ESRRG: variants seen among roughly 807,000 people sequenced by gnomAD.
ESRRG encodes the protein estrogen related receptor gamma.
In ESRRG, 13 loss-of-function variants were observed where a neutral mutation model predicts 44.0. The ratio of observed to expected loss-of-function variants is 0.30; its 90% CI spans 0.19 to 0.47. The LOEUF (loss-of-function observed/expected upper bound fraction) is 0.47. Ranked by LOEUF, ESRRG falls within the 20% of genes least tolerant of loss-of-function variation. The pLI, the probability that ESRRG is intolerant of heterozygous loss-of-function variation, is 1.00. For missense variants in ESRRG, 395 were observed against 580.6 expected, an observed-to-expected ratio of 0.68 and a Z score of 3.29; for synonymous variants, 215 against 214.6, an observed-to-expected ratio of 1.00 and a Z score of -0.02.
intron 1 of ESRRG, among the ~76,000 whole-genome samples, chr1:216,970,318 A>G (rs1291392906): frequency 6.6e-6 from 1 of 152,240 alleles, no homozygotes; most frequent in East Asian, 1.9e-4. Flanking sequence ...ACTGCATGAC[A>G]AAGTATTTTC....
At chr1:216,760,474 G>T (rs1268715437) in intron 2 of ESRRG, among the ~76,000 whole-genome samples, 1 of 151,948 alleles carries the variant, frequency 6.6e-6, no homozygotes, top group African/African-American at 2.4e-5. Flanking sequence ...GTGGTAGCAT[G>T]CATCTGTAGT....
intron 1 of ESRRG, among the ~76,000 whole-genome samples, chr1:217,073,415 G>A (rs1434793914): frequency 6.6e-6 from 1 of 152,024 alleles, no homozygotes; most frequent in Non-Finnish European, 1.5e-5. Context: ...TCACTACTAA[G>A]GGGATCTCCG....
intron 3 of ESRRG, among the ~76,000 whole-genome samples, chr1:216,585,026 G>A (rs1411544542): frequency 3.3e-5 from 5 of 152,080 alleles, no homozygotes; most frequent in Non-Finnish European, 4.4e-5. Flanking sequence ...TTAATTATTG[G>A]CTCTAATAAA....
intron 2 of ESRRG, among the ~76,000 whole-genome samples, chr1:216,841,991 T>C (rs6657430): frequency 0.034 from 5,105 of 152,184 alleles, 295 homozygotes; most frequent in African/African-American, 0.11. Flanking sequence ...AACCCTCTAA[T>C]ATAAAATAAG....
chr1:216,705,905 A>G (rs2082351601), intron 1 of ESRRG, among the ~76,000 whole-genome samples: 1 of 152,212 alleles, frequency 6.6e-6, no homozygotes, highest in Admixed American at 6.5e-5. Context: ...CTGCCTGGGC[A>G]TGGACTGCCT....
intron 2 of ESRRG, among the ~76,000 whole-genome samples, chr1:216,891,237 A>G (rs2057749974): frequency 6.6e-6 from 1 of 152,066 alleles, no homozygotes; most frequent in Admixed American, 6.6e-5. Flanking sequence ...TCTTTATTAG[A>G]TTTTTTTTAC....
intron 2 of ESRRG, among the ~76,000 whole-genome samples, chr1:216,768,741 T>C (rs1176108274): frequency 6.6e-6 from 1 of 152,130 alleles, no homozygotes; most frequent in East Asian, 1.9e-4. Flanking sequence ...TCCTCCCTTC[T>C]TGGCATCCCA....
At position 216,674,206 on chromosome 1, in the gene ESRRG, G is replaced by T. The variant is rs528903041; in HGVS notation, c.472+2870C>A. Among the ~76,000 whole-genome samples, 4 of 152,302 alleles carry T rather than the reference G, an allele frequency of 2.6e-5. No individual in the cohort carries two copies. The East Asian group carries it at 7.7e-4, about 29-fold the overall frequency. On this transcript the variant is annotated intron_variant, in intron 2 of 6. Transcript: ENST00000408911. ...AGGTGTGCTTTCATTCTCAAGTTTT[G>T]TAGTGTTACCAAATAGACTGAAGAG...
chr1:216,519,377 T>C lies in ESRRG; in HGVS notation c.907A>G (p.Ser303Gly), dbSNP rs1254361401. 1 of 1,613,468 alleles carries C rather than the reference T, an allele frequency of 6.2e-7. No individual in the cohort carries two copies. Among genetic ancestry groups the C allele is most frequent in the African/African-American group, 1.3e-5 (1 of 75,000 alleles). The change falls in exon 6 of 7, where the codon AGT (serine) becomes GGT (glycine). Residue 303 changes from serine (S) to glycine (G), a missense_variant. Ser to Gly is a moderately conservative substitution (Grantham distance 56, BLOSUM62 0). Coordinates refer to ENST00000408911, the MANE Select transcript of ESRRG (RefSeq NM_001438.4). Reference sequence around the variant, plus strand: ...AGGATCAAAATTTCCATCCAAGCACTCTGCAGAAGGCTCATCTGGTCCGCC... The same window carrying C: ...AGGATCAAAATTTCCATCCAAGCACCCTGCAGAAGGCTCATCTGGTCCGCC... ...SLADQMSLLQ[S>G]AWMEILILGV... is the part of the protein sequence containing the mutation.
chr1:216,552,668 C>T lies in ESRRG; in HGVS notation c.862+11551G>A, dbSNP rs996581504. 2.0e-5 allele frequency among the ~76,000 whole-genome samples: 3 copies of T among 152,108 alleles called. No individual in the cohort carries two copies. The East Asian group carries it at 5.8e-4, about 29-fold the overall frequency. ...AGGGTCTCTAACTACAAAGACAGTA[C>T]GTTGCTGACTACAATATGGTGCCTC... On this transcript the variant is annotated intron_variant, in intron 5 of 6. Coordinates refer to ENST00000408911, the MANE Select transcript of ESRRG (RefSeq NM_001438.4).
intron 2 of ESRRG, among the ~76,000 whole-genome samples, chr1:216,789,278 C>T (rs999100217): frequency 6.6e-6 from 1 of 152,112 alleles, no homozygotes. Context: ...GTCATAGCCA[C>T]CCCAACCTTC....
chr1:216,542,334 C>A (rs890485056), intron 5 of ESRRG, among the ~76,000 whole-genome samples: 3 of 151,734 alleles, frequency 2.0e-5, no homozygotes, highest in Non-Finnish European at 4.4e-5. Context: ...TAAAAAGATG[C>A]AATTCTTTTT....
At chr1:216,870,945 T>G (rs2096251632) in intron 2 of ESRRG, among the ~76,000 whole-genome samples, 1 of 151,996 alleles carries the variant, frequency 6.6e-6, no homozygotes, top group African/African-American at 2.4e-5. Flanking sequence ...CTCATTGTTT[T>G]TACTGATTTT....
chr1:216,943,937 C>A (rs1344014466), intron 1 of ESRRG, among the ~76,000 whole-genome samples: 1 of 152,078 alleles, frequency 6.6e-6, no homozygotes, highest in African/African-American at 2.4e-5. Flanking sequence ...AGGGCAAAGA[C>A]AACTTCAGCT....
chr1:216,653,605 T>C lies in ESRRG; in HGVS notation c.473-2516A>G, dbSNP rs988158602. Among the ~76,000 whole-genome samples the C allele has an allele frequency of 2.6e-5, 4 of 152,168 alleles. 1 individual carries two copies. The South Asian group carries it at 8.3e-4, about 32-fold the overall frequency. On this transcript the variant is annotated intron_variant, in intron 2 of 6. Transcript: ENST00000408911. ...TCTTTGCCACTTTTTCTTCTTAAAATTATTTCCAAGCCTCCTTGTTCAACT... is the reference window on the plus strand; with the variant it reads ...TCTTTGCCACTTTTTCTTCTTAAAACTATTTCCAAGCCTCCTTGTTCAACT...
chr1:217,045,453 A>G (rs76366026), intron 1 of ESRRG, among the ~76,000 whole-genome samples: 3,826 of 152,282 alleles, frequency 0.025, 169 homozygotes, highest in African/African-American at 0.087. Context: ...TGACTCGGGT[A>G]TTAAAAGTGG....
chr1:216,625,511 T>A lies in ESRRG; in HGVS notation c.589+25462A>T, dbSNP rs148960208. Among the ~76,000 whole-genome samples the A allele has an allele frequency of 3.2e-4, 48 of 151,828 alleles. No homozygotes were observed. The East Asian group carries it at 9.0e-3, about 28-fold the overall frequency. ...ACGTCTTGCTTTTCCTATTTTCACC[T>A]GGAAACATCATGCTTCCCTACACAA... On this transcript the variant is annotated intron_variant, in intron 3 of 6. Coordinates refer to ENST00000408911, the MANE Select transcript of ESRRG (RefSeq NM_001438.4).
chr1:217,101,478 A>G (rs2092511606), intron 1 of ESRRG, among the ~76,000 whole-genome samples: 1 of 152,232 alleles, frequency 6.6e-6, no homozygotes, highest in African/African-American at 2.4e-5. Context: ...CCTTACCATT[A>G]GTACATAGAT....
intron 1 of ESRRG, among the ~76,000 whole-genome samples, chr1:217,047,943 A>C (rs2085193417): frequency 6.6e-6 from 1 of 152,198 alleles, no homozygotes; most frequent in Non-Finnish European, 1.5e-5. Context: ...GTATCGGGGA[A>C]GAAGAAGAAG....
Sources: allele counts gnomAD v4.1 joint callset (sites outside exome capture counted in the v4.1 genomes callset), GRCh38; gene constraint gnomAD v4.1.1; transcripts MANE v1.5; gene names NCBI Gene and HGNC (gene_info 2026-07-23, HGNC 2026-07-21).